AGBL4: variants seen among roughly 807,000 people sequenced by gnomAD.
The protein encoded by AGBL4 is cytosolic carboxypeptidase 6.
AGBL4 carries 58 observed loss-of-function variants against 66.4 expected under a neutral mutation model. The ratio of observed to expected loss-of-function variants is 0.87; its 90% CI spans 0.71 to 1.09. The LOEUF is 1.09. Among genes scored for constraint, AGBL4 ranks in the 50% least tolerant of loss-of-function variants. The pLI is 0.00. For missense variants in AGBL4, 579 were observed against 631.0 expected (o/e 0.92, Z 0.88); for synonymous variants, 234 against 222.9 (o/e 1.05, Z -0.44).
intron 6 of AGBL4, among the ~76,000 whole-genome samples, chr1:48,780,222 TC>T (rs1434759684): frequency 7.5e-6 from 1 of 133,074 alleles, no homozygotes; most frequent in Non-Finnish European, 1.6e-5. Context: ...TATGTGATGT[TC>T]CCCTCCCCGT....
intron 5 of AGBL4, among the ~76,000 whole-genome samples, chr1:48,975,920 A>C (rs1203900288): frequency 1.3e-5 from 2 of 152,124 alleles, no homozygotes; most frequent in African/African-American, 4.8e-5. Context: ...GTATCCCTGA[A>C]AGATAATAGT....
downstream of AGBL4, among the ~76,000 whole-genome samples, chr1:48,531,400 C>T (rs146534355): frequency 1.0e-3 from 159 of 152,252 alleles, 1 homozygote; most frequent in South Asian, 0.018. Context: ...GGTGATGCTT[C>T]GGAGCATTCA....
intron 6 of AGBL4, among the ~76,000 whole-genome samples, chr1:48,766,812 C>A (rs1433973781): frequency 6.6e-6 from 1 of 152,162 alleles, no homozygotes; most frequent in Non-Finnish European, 1.5e-5. Context: ...TCGGGAAGTC[C>A]CAAGTCCTCT....
intron 6 of AGBL4, among the ~76,000 whole-genome samples, chr1:48,743,897 T>C (rs934292532): frequency 6.6e-6 from 1 of 152,210 alleles, no homozygotes; most frequent in Non-Finnish European, 1.5e-5. Context: ...AGAATCTCAA[T>C]CCTGAGTTGC....
chr1:49,592,975 G>C (rs1644780634), intron 3 of AGBL4, among the ~76,000 whole-genome samples: 1 of 152,164 alleles, frequency 6.6e-6, no homozygotes, highest in African/African-American at 2.4e-5. Context: ...ATTTGACAAT[G>C]CTTATCCTAA....
intron 3 of AGBL4, among the ~76,000 whole-genome samples, chr1:49,415,907 C>T (rs945007627): frequency 5.9e-5 from 9 of 151,938 alleles, no homozygotes; most frequent in African/African-American, 1.9e-4. Flanking sequence ...CCCACCATAC[C>T]CCAACACCCC....
chr1:49,528,884 T>C (rs1215482889), intron 3 of AGBL4, among the ~76,000 whole-genome samples: 3 of 152,050 alleles, frequency 2.0e-5, no homozygotes, highest in African/African-American at 7.2e-5. Flanking sequence ...TGTGTGGGTG[T>C]ATAAACAGAG....
intron 2 of AGBL4, among the ~76,000 whole-genome samples, chr1:49,777,329 A>G (rs1479028950): frequency 6.6e-6 from 1 of 152,178 alleles, no homozygotes; most frequent in Non-Finnish European, 1.5e-5. Context: ...GAAATGCAGC[A>G]TTCATTTTTT....
chr1:49,941,952 T>A (rs1456241953), intron 1 of AGBL4, among the ~76,000 whole-genome samples: 1 of 152,084 alleles, frequency 6.6e-6, no homozygotes, highest in Non-Finnish European at 1.5e-5. Context: ...TATGATCTTT[T>A]ACATAGAAAA....
chr1:49,651,080 A>G (rs1645995103), intron 3 of AGBL4, among the ~76,000 whole-genome samples: 2 of 152,120 alleles, frequency 1.3e-5, no homozygotes, highest in Non-Finnish European at 2.9e-5. Flanking sequence ...GGAATGGGGG[A>G]AGAGGATCTG....
At chr1:48,672,349 T>C (rs927021708) in intron 6 of AGBL4, among the ~76,000 whole-genome samples, 2 of 152,232 alleles carry the variant, frequency 1.3e-5, no homozygotes, top group African/African-American at 2.4e-5. Context: ...ATGGCCTTCA[T>C]TGGCCCTGCA....
At chr1:48,979,649 G>A (rs1659595671) in intron 5 of AGBL4, among the ~76,000 whole-genome samples, 2 of 151,856 alleles carry the variant, frequency 1.3e-5, no homozygotes, top group Admixed American at 1.3e-4. Flanking sequence ...TAATTTGGGG[G>A]GAACTTCAGT....
intron 3 of AGBL4, among the ~76,000 whole-genome samples, chr1:49,369,846 T>C (rs1026432778): frequency 6.6e-6 from 1 of 151,970 alleles, no homozygotes; most frequent in African/African-American, 2.4e-5. Flanking sequence ...AAATTAACAT[T>C]TACATTGGTG....
intron 6 of AGBL4, among the ~76,000 whole-genome samples, chr1:48,737,594 T>C (rs1255167742): frequency 1.3e-5 from 2 of 152,220 alleles, no homozygotes; most frequent in East Asian, 3.9e-4. Flanking sequence ...CCCAGTTTGA[T>C]TCCGACGGCA....
At chr1:49,219,087 TGGCTCCTAAAACA>T (rs1649299693) in intron 4 of AGBL4, among the ~76,000 whole-genome samples, 1 of 152,146 alleles carries the variant, frequency 6.6e-6, no homozygotes, top group African/African-American at 2.4e-5. Flanking sequence ...CTCCCATGGC[TGGCTCCTAAAACA>T]GGTTTATACC....
In AGBL4 at chr1:49,535,980, C is replaced by T. The variant is rs554693561; in HGVS notation, c.282+161333G>A. On this transcript the variant is annotated intron_variant, in intron 3 of 13. Transcript: ENST00000371839. Reference sequence around the variant, plus strand: ...TGCTGGGATTACAGGCGTGAGCCACCGTGCCCCAGTGAAATAATGTTTCAG... The same window carrying T: ...TGCTGGGATTACAGGCGTGAGCCACTGTGCCCCAGTGAAATAATGTTTCAG... Among the ~76,000 whole-genome samples the T allele has an allele frequency of 4.6e-5, 7 of 152,284 alleles. No homozygotes were observed. The South Asian group carries it at 8.3e-4, about 18-fold the overall frequency.
At chr1:49,353,488 A>G (rs1643953375) in intron 3 of AGBL4, among the ~76,000 whole-genome samples, 1 of 152,182 alleles carries the variant, frequency 6.6e-6, no homozygotes, top group African/African-American at 2.4e-5. Context: ...TACATGATCC[A>G]CAGTGCAGAA....
chr1:49,791,136 T>C (rs1644588534), intron 2 of AGBL4, among the ~76,000 whole-genome samples: 1 of 152,030 alleles, frequency 6.6e-6, no homozygotes, highest in Non-Finnish European at 1.5e-5. Context: ...AAATGTAAAG[T>C]GATATAATAT....
At chr1:49,898,074 C>T (rs1248319113) in intron 1 of AGBL4, among the ~76,000 whole-genome samples, 1 of 151,938 alleles carries the variant, frequency 6.6e-6, no homozygotes, top group African/African-American at 2.4e-5. Flanking sequence ...TGAGCAATAC[C>T]CCACAAGAAC....
Sources: allele counts gnomAD v4.1 joint callset (sites outside exome capture counted in the v4.1 genomes callset), GRCh38; gene constraint gnomAD v4.1.1; transcripts MANE v1.5; gene names NCBI Gene and HGNC (gene_info 2026-07-23, HGNC 2026-07-21).